PGAM2: variants seen among roughly 807,000 people sequenced by gnomAD.
PGAM2 encodes the protein BPG-dependent PGAM 2.
Under a neutral mutation model 22.5 loss-of-function variants are expected in PGAM2, and 23 were observed. The observed-to-expected ratio is 1.02, with a 90% CI of 0.74 to 1.45. The LOEUF is 1.45. Among genes scored for constraint, PGAM2 ranks in the 40% most tolerant of loss-of-function variants. The pLI is 0.00. For missense variants in PGAM2, 349 were observed against 356.2 expected, an observed-to-expected ratio of 0.98 and a Z score of 0.16; for synonymous variants, 133 against 138.6, an observed-to-expected ratio of 0.96 and a Z score of 0.29.
Position 44,065,339 on chromosome 7 carries a change from A to C in PGAM2, c.191T>G (p.Ile64Ser). ...ICYTSVLKRA[I>S]RTLWAILDGT... is the part of the protein sequence containing the mutation. ...GTCCAGGATGGCCCAGAGGGTGCGG[A>C]TGGCCCGCTTCAGCACTGACGTGTA... The change falls in exon 1 of 3, where the codon ATC becomes AGC. Residue 64 changes from isoleucine (I) to serine (S), a missense_variant. By Grantham distance (142) the Ile-to-Ser change is moderately radical. Transcript: ENST00000297283. 1 of 1,613,744 alleles carries C rather than the reference A, an allele frequency of 6.2e-7. No individual in the cohort carries two copies. Among genetic ancestry groups the C allele is most frequent in the Non-Finnish European group, 8.5e-7 (1 of 1,180,018 alleles).
rs138954968 is a variant in PGAM2, at chr7:44,064,942, C to T, written c.485G>A (p.Arg162Gln). 21 of 1,609,662 alleles carry T rather than the reference C, an allele frequency of 1.3e-5. No homozygotes were observed. The highest frequency in any genetic ancestry group is 1.6e-4 in the Middle Eastern group (1 of 6,070). Residue 162 changes from arginine to glutamine, a missense_variant, in exon 2 of 3, where the codon CGG becomes CAG. Arg to Gln is a conservative substitution (Grantham distance 43). Transcript: ENST00000297283. Reference protein sequence around the residue: ...TCESLKDTIARALPFWNEEIV... With the variant: ...TCESLKDTIAQALPFWNEEIV... ...CTCCTCGTTCCAGAAGGGCAGGGCCCGGGCAATGGTGTCCTTGAGGCTCTC... is the reference window on the plus strand; with the variant it reads ...CTCCTCGTTCCAGAAGGGCAGGGCCTGGGCAATGGTGTCCTTGAGGCTCTC...
At chr7:44,063,469 C>G (rs1306342888) in intron 2 of PGAM2, 2 of 185,004 alleles carry the variant, frequency 1.1e-5, no homozygotes, top group Non-Finnish European at 2.3e-5. Context: ...TTAGTAGAAA[C>G]GGGTTTTACC....
rs1216762415 is a variant in PGAM2, at chr7:44,062,939, G to C, written c.596-9C>G. 1 of 1,613,680 alleles carries C rather than the reference G, an allele frequency of 6.2e-7. No homozygotes were observed. Among genetic ancestry groups the C allele is most frequent in the Non-Finnish European group, 8.5e-7 (1 of 1,179,570 alleles). ...CGCCTGGTCTGACATCCCTATGCCG[G>C]AAGGAATAGGTGTCCTTAGCCCCTC... On this transcript the variant is annotated splice_polypyrimidine_tract_variant and intron_variant, in intron 2 of 2. Transcript: ENST00000297283.
At position 44,064,848 on chromosome 7, in the gene PGAM2, A is replaced by G; in HGVS notation, c.579T>C (p.Ile193=). Residue 193 remains isoleucine (I), a synonymous_variant, in exon 2 of 3, where the codon ATT becomes ATC. Transcript: ENST00000297283. ...IAAHGNSLRG[I]VKHLEGMSDQ... is the part of the protein sequence containing the mutation. ...TGGCCTCACCTTCCAGGTGCTTGAC[A>G]ATGCCCCGCAGGCTGTTCCCGTGGG... is the stretch of plus-strand genomic sequence containing the variant. 6.3e-7 allele frequency: 1 copy of G among 1,595,584 alleles called. No individual in the cohort carries two copies. Among genetic ancestry groups the G allele is most frequent in the Non-Finnish European group, 8.5e-7 (1 of 1,171,076 alleles).
At chr7:44,064,426 CA>C (rs1369639972) in intron 2 of PGAM2, 13 of 302,846 alleles carry the variant, frequency 4.3e-5, no homozygotes, top group African/African-American at 1.3e-4. Flanking sequence ...AATTCAGTAC[CA>C]GGGGGAGCTC....
Position 44,065,561 on chromosome 7 carries a change from C to T in PGAM2, c.-32G>A, listed in dbSNP as rs770194022. 2.1e-5 allele frequency: 34 copies of T among 1,606,046 alleles called. No homozygotes were observed. The highest frequency in any genetic ancestry group is 1.1e-4 in the South Asian group (10 of 90,932). Reference sequence around the variant, plus strand: ...AGCAGGGACCACAGAGGACTCTGGACGGGGACGGCTGCTTCCCAACACTCC... The same window carrying T: ...AGCAGGGACCACAGAGGACTCTGGATGGGGACGGCTGCTTCCCAACACTCC... On this transcript the variant is annotated 5_prime_UTR_variant, in exon 1 of 3. Coordinates refer to ENST00000297283, the MANE Select transcript of PGAM2 (RefSeq NM_000290.4).
chr7:44,065,243 G>C lies in PGAM2; in HGVS notation c.287C>G (p.Thr96Arg). ...RLNERHYGGL[T>R]GLNKAETAAK... ...GGCCGTTTCTGCCTTGTTGAGGCCT[G>C]TGAGGCCCCCGTAATGCCGCTCATT... Residue 96 changes from threonine to arginine, a missense_variant, in exon 1 of 3, where the codon ACA (threonine) becomes AGA (arginine). Physicochemically the swap from Thr to Arg is moderately conservative, Grantham distance 71. Transcript: ENST00000297283. The C allele has an allele frequency of 6.2e-7, 1 of 1,613,906 alleles. No individual in the cohort carries two copies. Among genetic ancestry groups the C allele is most frequent in the Non-Finnish European group, 8.5e-7 (1 of 1,180,048 alleles).
rs1352617775 is a variant in PGAM2, at chr7:44,064,949, T to C, written c.478A>G (p.Ile160Val). 3 of 1,609,248 alleles carry C rather than the reference T, an allele frequency of 1.9e-6. No homozygotes were observed. The highest frequency in any genetic ancestry group is 2.2e-5 in the East Asian group (1 of 44,884). ...LPTCESLKDTIARALPFWNEE... is the reference protein window; with the variant it reads ...LPTCESLKDTVARALPFWNEE... ...TTCCAGAAGGGCAGGGCCCGGGCAA[T>C]GGTGTCCTTGAGGCTCTCGCAGGTG... The change falls in exon 2 of 3, where the codon ATT becomes GTT. Residue 160 changes from isoleucine (I) to valine (V), a missense_variant. By Grantham distance (29) the Ile-to-Val change is conservative. Transcript: ENST00000297283.
chr7:44,064,793 G>GGCCCCCCCCCCCCCCCCCCCC, intron 2 of PGAM2, 39 bp downstream of exon 2: 14 of 1,136,946 alleles, frequency 1.2e-5, no homozygotes, highest in East Asian at 2.5e-5. Context: ...TGGGGCTGCT[G>GGCCCCCCCCCCCCCCCCCCCC]CCCACCCACC....
chr7:44,063,285 T>C, intron 2 of PGAM2: 1 of 324,908 alleles, frequency 3.1e-6, no homozygotes, highest in East Asian at 7.7e-5. Flanking sequence ...TCTTTTCTTT[T>C]TCTTTTTCTT....
At chr7:44,064,609 GCTT>G (rs1252224546) in intron 2 of PGAM2, 2 of 580,926 alleles carry the variant, frequency 3.4e-6, no homozygotes, top group Non-Finnish European at 6.2e-6. Flanking sequence ...GACACAGCGA[GCTT>G]CGAGTGCAGT....
In PGAM2 at chr7:44,065,224, T is replaced by A. The variant is rs1315042365; in HGVS notation, c.306A>T (p.Glu102Asp). 2 of 1,613,886 alleles carry A rather than the reference T, an allele frequency of 1.2e-6. No individual in the cohort carries two copies. The highest frequency in any genetic ancestry group is 2.7e-5 in the African/African-American group (2 of 74,952). ...YGGLTGLNKA[E>D]TAAKHGEEQV... Reference sequence around the variant, plus strand: ...GCTCCTCCCCGTGCTTGGCGGCCGTTTCTGCCTTGTTGAGGCCTGTGAGGC... The same window carrying A: ...GCTCCTCCCCGTGCTTGGCGGCCGTATCTGCCTTGTTGAGGCCTGTGAGGC... Residue 102 changes from glutamate to aspartate, a missense_variant, in exon 1 of 3, where the codon GAA (glutamate) becomes GAT (aspartate). Physicochemically the swap from Glu to Asp is conservative, Grantham distance 45. Transcript: ENST00000297283.
chr7:44,063,050 C>T, intron 2 of PGAM2, 120 bp from the exon 3 acceptor site: 1 of 1,078,974 alleles, frequency 9.3e-7, no homozygotes, highest in Non-Finnish European at 1.4e-6. Context: ...CCTTCCCAGC[C>T]CTGAGAACGA....
In PGAM2 at chr7:44,062,915, G is replaced by C. The variant is rs747760221; in HGVS notation, c.611C>G (p.Ala204Gly). Residue 204 changes from alanine to glycine, a missense_variant, in exon 3 of 3, where the codon GCG becomes GGG. Physicochemically the swap from Ala to Gly is moderately conservative, Grantham distance 60 (BLOSUM62 0). Coordinates refer to ENST00000297283, the MANE Select transcript of PGAM2 (RefSeq NM_000290.4). ...CGTGGGCAGGTTCAGCTCCATGATC[G>C]CCTGGTCTGACATCCCTATGCCGGA... The part of the protein sequence containing the change: ...VKHLEGMSDQ[A>G]IMELNLPTGI... 3 of 1,614,126 alleles carry C rather than the reference G, an allele frequency of 1.9e-6. No homozygotes were observed. Among genetic ancestry groups the C allele is most frequent in the Non-Finnish European group, 8.5e-7 (1 of 1,180,008 alleles).
intron 2 of PGAM2, chr7:44,063,615 T>C (rs2096153340): frequency 6.4e-6 from 1 of 156,746 alleles, no homozygotes; most frequent in African/African-American, 2.4e-5. Flanking sequence ...ATTCTAGACA[T>C]CCTGAACAGA....
chr7:44,064,742 TG>T, intron 2 of PGAM2, 89 bp downstream of exon 2: 1 of 1,162,234 alleles, frequency 8.6e-7, no homozygotes, highest in Non-Finnish European at 1.2e-6. Flanking sequence ...CTAGAAAGCC[TG>T]GTCCATGGGC....
Position 44,065,063 on chromosome 7 carries a change from C to G in PGAM2, c.415-51G>C, listed in dbSNP as rs769945454. On this transcript the variant is annotated intron_variant, in intron 1 of 2. Transcript: ENST00000297283. ...CCCTCCCAAGCCAGTGGGCCCCCAC[C>G]CGACTCCCCACTCTGCAGCTTCCCA... 6 of 1,610,592 alleles carry G rather than the reference C, an allele frequency of 3.7e-6. No homozygotes were observed. In the African/African-American group the frequency reaches 8.0e-5, roughly 21 times the overall value.
chr7:44,064,666 A>AT, intron 2 of PGAM2, 166 bp downstream of exon 2: 2 of 670,962 alleles, frequency 3.0e-6, no homozygotes, highest in East Asian at 5.4e-5. Flanking sequence ...AATGGGGAAA[A>AT]TTTCACAAAA....
intron 2 of PGAM2, 28 bp downstream of exon 2, chr7:44,064,804 C>CCCG: frequency 7.0e-7 from 1 of 1,437,752 alleles, no homozygotes; most frequent in Admixed American, 1.8e-5. Context: ...CCCACCCACC[C>CCCG]TGCCCAGGCT....
Sources: gnomAD v4.1 joint callset for allele counts on GRCh38, gnomAD v4.1.1 for gene constraint, MANE v1.5 for transcripts, NCBI Gene and HGNC (gene_info 2026-07-23, HGNC 2026-07-21) for gene names.